The following IL1RL2 variants were observed in gnomAD, a reference collection of about 807,000 sequenced individuals.
IL1RL2 encodes interleukin-1 receptor-like 2.
Under a neutral mutation model 66.8 loss-of-function variants are expected in IL1RL2, and 68 were observed. The observed-to-expected ratio is 1.02, with a 90% confidence interval of 0.84 to 1.25. The LOEUF (loss-of-function observed/expected upper bound fraction) is 1.25. IL1RL2 is among the 50% of genes most tolerant of loss of function. The pLI, the probability that IL1RL2 is intolerant of heterozygous loss-of-function variation, is 0.00. For synonymous variants in IL1RL2, 305 were observed against 264.6 expected (o/e 1.15, Z -1.48); for missense variants, 729 against 709.3 (o/e 1.03, Z -0.32).
chr2:102,206,832 C>T (rs1268033957), intron 5 of IL1RL2, among the ~76,000 whole-genome samples: 1 of 152,232 alleles, frequency 6.6e-6, no homozygotes, highest in Non-Finnish European at 1.5e-5. Context: ...TTGCCACTGG[C>T]AAGGTCTCTC....
In IL1RL2 at chr2:102,187,202, GC is replaced by G. The variant is rs1479639089; in HGVS notation, c.-13+122del. 4.1e-6 allele frequency: 5 copies of G among 1,215,776 alleles called. No individual in the cohort carries two copies. In the African/African-American group the frequency reaches 4.7e-5, roughly 11 times the overall value. 75.3% of individuals were successfully genotyped at this position (1,215,776 alleles called of 1,614,324 possible). A position where few individuals can be genotyped will look rare whatever the true frequency, so the allele number is the denominator to read the frequency against. On this transcript the variant is annotated intron_variant, in intron 1 of 11. Coordinates refer to ENST00000264257, the MANE Select transcript of IL1RL2 (RefSeq NM_003854.4). ...TGTGCCACCGCAGGCCAGGGATCAG[GC>G]CCCCCAGGCCGGCCCCCGACCGGCT...
At chr2:102,207,823 T>A (rs1244243471) in intron 5 of IL1RL2, among the ~76,000 whole-genome samples, 1 of 152,190 alleles carries the variant, frequency 6.6e-6, no homozygotes, top group African/African-American at 2.4e-5. Flanking sequence ...AGAGTTGCAG[T>A]CCCTGTGGCC....
At chr2:102,211,277 C>T (rs376633493) in intron 5 of IL1RL2, among the ~76,000 whole-genome samples, 13 of 152,006 alleles carry the variant, frequency 8.6e-5, no homozygotes, top group South Asian at 4.1e-4. Flanking sequence ...AGTAGGTGAT[C>T]GCTAAATTTT....
chr2:102,239,348 T>A lies in IL1RL2; in HGVS notation c.*107T>A. 1 of 1,048,636 alleles carries A rather than the reference T, an allele frequency of 9.5e-7. No homozygotes were observed. The highest frequency in any genetic ancestry group is 2.1e-4 in the Middle Eastern group (1 of 4,870). 65.0% of individuals were successfully genotyped at this position (1,048,636 alleles called of 1,614,324 possible). On this transcript the variant is annotated 3_prime_UTR_variant, in exon 12 of 12. Coordinates refer to ENST00000264257, the MANE Select transcript of IL1RL2 (RefSeq NM_003854.4). ...CAGGATGAGGCTAGGGTTAGCATTC[T>A]AGACACCCAGTTGAGCTCAGGCGTA...
chr2:102,225,489 A>C (rs2310241), intron 8 of IL1RL2, among the ~76,000 whole-genome samples: 66,838 of 152,088 alleles, frequency 0.44, 15,227 homozygotes, highest in East Asian at 0.59. Flanking sequence ...TAATCAAGAA[A>C]GGGCAGCAGA....
intron 5 of IL1RL2, among the ~76,000 whole-genome samples, chr2:102,204,041 G>A (rs1219782871): frequency 2.0e-5 from 3 of 151,816 alleles, no homozygotes; most frequent in Admixed American, 6.6e-5. Context: ...TTTTCTCTGA[G>A]TACTGCTTTT....
downstream of IL1RL2, among the ~76,000 whole-genome samples, chr2:102,241,031 C>T (rs1675217104): frequency 1.3e-5 from 2 of 152,254 alleles, no homozygotes; most frequent in South Asian, 4.1e-4. Context: ...GAACCGCTGT[C>T]CAGCCCGAAG....
chr2:102,226,452 G>C (rs1281664168), intron 9 of IL1RL2, among the ~76,000 whole-genome samples: 18 of 152,180 alleles, frequency 1.2e-4, no homozygotes, highest in Admixed American at 5.9e-4. Flanking sequence ...AGCTGCCTGC[G>C]GTTGGAGCTC....
chr2:102,220,919 C>T (rs35203853), intron 8 of IL1RL2, among the ~76,000 whole-genome samples: 1 of 152,180 alleles, frequency 6.6e-6, no homozygotes, highest in Non-Finnish European at 1.5e-5. Flanking sequence ...GTGCCCGTTA[C>T]CTCCCTTAGA....
At chr2:102,218,094 A>G (rs1042677006) in intron 6 of IL1RL2, among the ~76,000 whole-genome samples, 1 of 152,150 alleles carries the variant, frequency 6.6e-6, no homozygotes. Context: ...AAACAAACAA[A>G]CAAAAAACAA....
chr2:102,187,848 C>A lies in IL1RL2; in HGVS notation c.-12-8C>A. The A allele has an allele frequency of 1.3e-6, 2 of 1,598,854 alleles. No individual in the cohort carries two copies. The highest frequency in any genetic ancestry group is 1.7e-6 in the Non-Finnish European group (2 of 1,169,996). ...CTCCCCTCCCACCCTCTTCTCCCTT[C>A]CTTGCAGCCCGGTTTGGGGATGTGG... is the stretch of plus-strand genomic sequence containing the variant. On this transcript the variant is annotated splice_region_variant and splice_polypyrimidine_tract_variant and intron_variant, in intron 1 of 11. Coordinates refer to ENST00000264257, the MANE Select transcript of IL1RL2 (RefSeq NM_003854.4).
Position 102,221,784 on chromosome 2 carries a change from G to A in IL1RL2, c.991+1767G>A, listed in dbSNP as rs375625921. 7.5e-4 allele frequency among the ~76,000 whole-genome samples: 114 copies of A among 152,260 alleles called. 2 individuals are homozygous for A. Among genetic ancestry groups the A allele is most frequent in the African/African-American group, 2.7e-3 (111 of 41,552 alleles). The stretch of plus-strand genomic sequence containing the variant: ...TGTCTCCTCATCTGGGAAATGAGGA[G>A]GATAGCGACTTCCTTCCACGACTGT... On this transcript the variant is annotated intron_variant, in intron 8 of 11. Transcript: ENST00000264257.
At chr2:102,215,730 A>G (rs1043910525) in intron 6 of IL1RL2, among the ~76,000 whole-genome samples, 1 of 152,190 alleles carries the variant, frequency 6.6e-6, no homozygotes, top group Non-Finnish European at 1.5e-5. Flanking sequence ...CCTGCAGCCT[A>G]GGCCACTGAG....
At chr2:102,197,600 T>G (rs1687895444) in intron 4 of IL1RL2, among the ~76,000 whole-genome samples, 2 of 152,346 alleles carry the variant, frequency 1.3e-5, no homozygotes, top group South Asian at 4.1e-4. Flanking sequence ...AGTCACCTAC[T>G]GCTAAGGCTC....
intron 5 of IL1RL2, among the ~76,000 whole-genome samples, chr2:102,204,159 A>G (rs762832476): frequency 1.7e-4 from 26 of 152,096 alleles, no homozygotes; most frequent in Admixed American, 7.9e-4. Context: ...TCAGAAGCAT[A>G]CTGTTTAATT....
chr2:102,192,401 T>C (rs1687310224), intron 4 of IL1RL2, among the ~76,000 whole-genome samples: 2 of 152,240 alleles, frequency 1.3e-5, no homozygotes, highest in Admixed American at 6.5e-5. Context: ...ACATTAATTA[T>C]ATTTGTTTAA....
chr2:102,226,998 T>G (rs562951796), intron 9 of IL1RL2, among the ~76,000 whole-genome samples: 3 of 152,372 alleles, frequency 2.0e-5, no homozygotes, highest in South Asian at 2.1e-4. Context: ...GCCAGTGCTG[T>G]TTGGCATAGA....
chr2:102,208,036 C>T (rs993842937), intron 5 of IL1RL2, among the ~76,000 whole-genome samples: 1 of 152,200 alleles, frequency 6.6e-6, no homozygotes, highest in African/African-American at 2.4e-5. Flanking sequence ...GAGTTCAGTG[C>T]CTCACAATTG....
intron 9 of IL1RL2, 104 bp downstream of exon 9, chr2:102,226,145 A>G (rs1309557102): frequency 1.1e-6 from 1 of 919,324 alleles, no homozygotes; most frequent in Non-Finnish European, 1.5e-6. Context: ...GTTGTTGGCA[A>G]ATTTAGGGAA....
Sources: gnomAD v4.1 joint callset for allele counts (sites outside exome capture counted in the v4.1 genomes callset) on GRCh38, gnomAD v4.1.1 for gene constraint, MANE v1.5 for transcripts, NCBI Gene and HGNC (gene_info 2026-07-23, HGNC 2026-07-21) for gene names.